The following INTU variants were observed in gnomAD, a reference collection of about 807,000 sequenced individuals.
INTU encodes the protein protein inturned.
INTU carries 68 observed loss-of-function variants against 100.5 expected under a neutral mutation model. The ratio of observed to expected loss-of-function variants is 0.68; its 90% CI spans 0.56 to 0.83. The LOEUF (loss-of-function observed/expected upper bound fraction) is 0.83. INTU is among the 40% of genes least tolerant of loss of function. The probability of loss-of-function intolerance (pLI) is 0.00; values close to 1 mark genes in which losing one functional copy is unlikely to be tolerated. For missense variants in INTU, 1,071 were observed against 1,114.7 expected (o/e 0.96, Z 0.56); for synonymous variants, 357 against 395.7 (o/e 0.90, Z 1.16).
chr4:127,633,015 T>G lies in INTU; in HGVS notation c.-20T>G, dbSNP rs1226990553. On this transcript the variant is annotated 5_prime_UTR_variant, in exon 1 of 16. Coordinates refer to ENST00000335251, the MANE Select transcript of INTU (RefSeq NM_015693.4). ...TGCGAGATTTGAATTACTCCACTCG[T>G]AGCTATTGCATTCCTGACGATGGCC... is the stretch of plus-strand genomic sequence containing the variant. The G allele has an allele frequency of 6.2e-7, 1 of 1,606,800 alleles. No individual in the cohort carries two copies. Among genetic ancestry groups the G allele is most frequent in the Admixed American group, 1.7e-5 (1 of 59,816 alleles).
intron 2 of INTU, among the ~76,000 whole-genome samples, chr4:127,655,507 TGG>T (rs1553972424): frequency 6.6e-6 from 1 of 151,034 alleles, no homozygotes; most frequent in Non-Finnish European, 1.5e-5. Context: ...GTTCCCCTGC[TGG>T]GGGGTGCCTC....
At chr4:127,655,969 G>T (rs1194199808) in intron 2 of INTU, among the ~76,000 whole-genome samples, 1 of 152,236 alleles carries the variant, frequency 6.6e-6, no homozygotes, top group Non-Finnish European at 1.5e-5. Context: ...ATATTCGGGT[G>T]GGAGTGACCC....
At chr4:127,708,842 A>G (rs547586143) in intron 13 of INTU, among the ~76,000 whole-genome samples, 174 bp downstream of exon 13, 193 of 152,338 alleles carry the variant, frequency 1.3e-3, no homozygotes, top group African/African-American at 4.5e-3. Context: ...GAAAATGACC[A>G]TATTAGTATT....
rs370274927 is a variant in INTU, at chr4:127,669,310, A to G, written c.1091+156A>G. ...GTCTATAATGTATGTATATACACGT[A>G]TATATCTATACATTATAGATAACGA... On this transcript the variant is annotated intron_variant, in intron 5 of 15. Coordinates refer to ENST00000335251, the MANE Select transcript of INTU (RefSeq NM_015693.4). Among the ~76,000 whole-genome samples the G allele has an allele frequency of 5.9e-5, 9 of 151,914 alleles. No homozygotes were observed. In the East Asian group the frequency reaches 1.5e-3, roughly 26 times the overall value.
chr4:127,655,544 G>C (rs1578550852), intron 2 of INTU, among the ~76,000 whole-genome samples: 1 of 151,354 alleles, frequency 6.6e-6, no homozygotes, highest in Non-Finnish European at 1.5e-5. Flanking sequence ...CGGGGGTCAG[G>C]GGTCAGGGAC....
intron 4 of INTU, among the ~76,000 whole-genome samples, chr4:127,666,725 G>T (rs932503589): frequency 1.3e-5 from 2 of 152,142 alleles, no homozygotes; most frequent in African/African-American, 4.8e-5. Flanking sequence ...GTATGTTCTG[G>T]CCATGGATCT....
At chr4:127,698,235 G>T (rs1730482875) in intron 8 of INTU, among the ~76,000 whole-genome samples, 1 of 152,112 alleles carries the variant, frequency 6.6e-6, no homozygotes, top group African/African-American at 2.4e-5. Context: ...GGCCGAGGTG[G>T]GAGGATCACA....
chr4:127,685,124 A>G (rs1301758166), intron 7 of INTU, among the ~76,000 whole-genome samples: 1 of 152,094 alleles, frequency 6.6e-6, no homozygotes, highest in East Asian at 1.9e-4. Context: ...TTTCTATACA[A>G]TAAAAATATA....
intron 6 of INTU, among the ~76,000 whole-genome samples, chr4:127,683,478 A>G (rs1187962328): frequency 1.3e-5 from 2 of 152,212 alleles, no homozygotes; most frequent in Non-Finnish European, 2.9e-5. Context: ...TCTTCGTATC[A>G]CCAACATTTT....
intron 4 of INTU, among the ~76,000 whole-genome samples, chr4:127,668,668 G>T (rs894619831): frequency 6.6e-6 from 1 of 151,616 alleles, no homozygotes; most frequent in Non-Finnish European, 1.5e-5. Flanking sequence ...CACAGGGGAC[G>T]AGAATAACTG....
intron 6 of INTU, among the ~76,000 whole-genome samples, chr4:127,679,502 T>G (rs1467562434): frequency 6.6e-6 from 1 of 152,238 alleles, no homozygotes; most frequent in East Asian, 1.9e-4. Context: ...CCTGAATGAC[T>G]GCTGGGTACA....
At chr4:127,706,404 A>T (rs983747217) in intron 11 of INTU, 83 bp from the exon 12 acceptor site, 4 of 1,200,192 alleles carry the variant, frequency 3.3e-6, no homozygotes, top group Non-Finnish European at 4.6e-6. Context: ...TATGTCTTCG[A>T]TATTTATAAG....
rs1309626963 is a variant in INTU at position 127,720,358 on chromosome 4, C to T, written c.*3922C>T. 1 of 152,060 alleles carries T rather than the reference C, an allele frequency of 6.6e-6. No homozygotes were observed. The highest frequency in any genetic ancestry group is 6.6e-5 in the Admixed American group (1 of 15,246). The allele number at this position is 152,060 out of a possible 1,614,324, so 9.4% of individuals were successfully genotyped here. A position where few individuals can be genotyped will look rare whatever the true frequency, so the allele number is the denominator to read the frequency against. On this transcript the variant is annotated 3_prime_UTR_variant, in exon 16 of 16. Coordinates refer to ENST00000335251, the MANE Select transcript of INTU (RefSeq NM_015693.4). ...TGATCTGAGAGACTGTTTGTTATTACTTCAGTTCTTTAGCATTTGCTGAGG... is the reference window on the plus strand; with the variant it reads ...TGATCTGAGAGACTGTTTGTTATTATTTCAGTTCTTTAGCATTTGCTGAGG...
chr4:127,654,906 G>T (rs968744862), intron 2 of INTU, among the ~76,000 whole-genome samples: 45 of 143,622 alleles, frequency 3.1e-4, no homozygotes, highest in Middle Eastern at 6.9e-3. Flanking sequence ...ATATTTCTTG[G>T]AGGCTTTGCT....
chr4:127,688,187 T>C (rs1161966085), intron 8 of INTU, among the ~76,000 whole-genome samples: 1 of 151,710 alleles, frequency 6.6e-6, no homozygotes, highest in Non-Finnish European at 1.5e-5. Context: ...GGTTATCAAG[T>C]TAGAATTATG....
chr4:127,676,962 C>G (rs1197066930), intron 6 of INTU, among the ~76,000 whole-genome samples: 1 of 152,148 alleles, frequency 6.6e-6, no homozygotes, highest in Non-Finnish European at 1.5e-5. Context: ...GCACATGGCT[C>G]GGAGGGTCCT....
At chr4:127,674,937 G>A (rs1010419782) in intron 6 of INTU, among the ~76,000 whole-genome samples, 1 of 152,192 alleles carries the variant, frequency 6.6e-6, no homozygotes, top group African/African-American at 2.4e-5. Context: ...TCAGCAAGAG[G>A]CAGGATTGGA....
intron 15 of INTU, among the ~76,000 whole-genome samples, chr4:127,714,315 G>T (rs1010687645): frequency 1.3e-5 from 2 of 151,812 alleles, no homozygotes; most frequent in African/African-American, 4.9e-5. Flanking sequence ...TACACTGAAA[G>T]AATAATTCCA....
At chr4:127,650,993 T>A (rs991606063) in intron 2 of INTU, among the ~76,000 whole-genome samples, 9 of 152,206 alleles carry the variant, frequency 5.9e-5, no homozygotes, top group African/African-American at 2.2e-4. Context: ...TTTTCATGTG[T>A]TTTTTGGCTG....
Sources: gnomAD v4.1 joint callset for allele counts (sites outside exome capture counted in the v4.1 genomes callset) on GRCh38, gnomAD v4.1.1 for gene constraint, MANE v1.5 for transcripts, NCBI Gene and HGNC (gene_info 2026-07-23, HGNC 2026-07-21) for gene names.